Variants in KITLG observed in about 807,000 individuals in gnomAD.
The protein encoded by KITLG is KIT ligand, also known as c-Kit ligand.
In KITLG, 13 loss-of-function variants were observed where a neutral mutation model predicts 34.1. The ratio of observed to expected loss-of-function variants is 0.38; its 90% CI spans 0.25 to 0.61. The LOEUF (loss-of-function observed/expected upper bound fraction) is 0.61, where lower values mean the gene tolerates loss of function less well. Ranked by LOEUF, KITLG falls within the 20% of genes least tolerant of loss-of-function variation. KITLG has a pLI of 0.60. For synonymous variants in KITLG, 110 were observed against 104.0 expected, an observed-to-expected ratio of 1.06 and a Z score of -0.35; for missense variants, 292 against 318.9, an observed-to-expected ratio of 0.92 and a Z score of 0.64.
chr12:88,508,835 A>G (rs1217337139), intron 6 of KITLG, among the ~76,000 whole-genome samples: 1 of 152,170 alleles, frequency 6.6e-6, no homozygotes, highest in Non-Finnish European at 1.5e-5. Context: ...AAGTACTATC[A>G]TTACAATAAC....
At chr12:88,500,892 G>A (rs1868826280) in intron 9 of KITLG, among the ~76,000 whole-genome samples, 1 of 152,106 alleles carries the variant, frequency 6.6e-6, no homozygotes, top group African/African-American at 2.4e-5. Context: ...CAATCCTCCT[G>A]CCTCAGCCTC....
chr12:88,516,443 A>C lies in KITLG; in HGVS notation c.411T>G (p.Pro137=). The C allele has an allele frequency of 1.9e-6, 3 of 1,607,446 alleles. No individual in the cohort carries two copies. Among genetic ancestry groups the C allele is most frequent in the Non-Finnish European group, 2.6e-6 (3 of 1,176,400 alleles). ...TATTAAAAATTCTAAAGAATTCTTC[A>C]GGAGTAAAGAGCCTGGGTTCTGGGC... ...FKSPEPRLFT[P]EEFFRIFNRS... is the part of the protein sequence containing the mutation. Residue 137 remains proline, a synonymous_variant, in exon 5 of 10, where the codon CCT becomes CCG. Transcript: ENST00000644744.
At chr12:88,539,967 G>T (rs7135958) in intron 2 of KITLG, among the ~76,000 whole-genome samples, 122,203 of 151,896 alleles carry the variant, frequency 0.8, 50,929 homozygotes, top group Middle Eastern at 0.94. Flanking sequence ...CAAGGTCATC[G>T]TTCCTCAGTA....
intron 1 of KITLG, among the ~76,000 whole-genome samples, chr12:88,551,858 C>T (rs1870925954): frequency 6.6e-6 from 1 of 152,136 alleles, no homozygotes; most frequent in Non-Finnish European, 1.5e-5. Flanking sequence ...GATGAAGAGA[C>T]TATCCTAGAT....
intron 1 of KITLG, among the ~76,000 whole-genome samples, chr12:88,551,164 A>G (rs940727056): frequency 1.3e-5 from 2 of 152,192 alleles, no homozygotes; most frequent in Non-Finnish European, 1.5e-5. Context: ...AATTTTGCAT[A>G]TACTTTGCTA....
intron 8 of KITLG, 91 bp from the exon 9 acceptor site, chr12:88,505,326 T>C (rs1869018058): frequency 1.0e-6 from 1 of 1,002,656 alleles, no homozygotes; most frequent in Admixed American, 1.9e-5. Context: ...GCAGCTTTTC[T>C]GTAAATATAG....
At chr12:88,523,178 C>A (rs897509232) in intron 3 of KITLG, among the ~76,000 whole-genome samples, 3 of 152,194 alleles carry the variant, frequency 2.0e-5, no homozygotes, top group African/African-American at 7.2e-5. Flanking sequence ...TCAGCATCTA[C>A]CTCTGGGATG....
chr12:88,538,536 T>C (rs535612076), intron 2 of KITLG, among the ~76,000 whole-genome samples: 5 of 151,742 alleles, frequency 3.3e-5, no homozygotes, highest in Admixed American at 1.3e-4. Flanking sequence ...ATACCAAGAT[T>C]AGTATGGGAA....
In KITLG at chr12:88,518,025, T is replaced by C. The variant is rs147673847; in HGVS notation, c.363+672A>G. Among the ~76,000 whole-genome samples the C allele has an allele frequency of 1.8e-3, 276 of 152,276 alleles. 2 individuals carry two copies. Among genetic ancestry groups the C allele is most frequent in the African/African-American group, 6.4e-3 (266 of 41,556 alleles). On this transcript the variant is annotated intron_variant, in intron 4 of 9. Coordinates refer to ENST00000644744, the MANE Select transcript of KITLG (RefSeq NM_000899.5). ...AAACATCAAATTTTATTAATATTTA[T>C]TTTGCTAGGTAGGGTGTTAAAGTAC...
chr12:88,502,394 C>T (rs923554462), intron 9 of KITLG, among the ~76,000 whole-genome samples: 2 of 152,122 alleles, frequency 1.3e-5, no homozygotes, highest in South Asian at 2.1e-4. Flanking sequence ...CACATTCACA[C>T]AAAAGATAAA....
At chr12:88,550,551 C>T (rs1212743251) in intron 1 of KITLG, among the ~76,000 whole-genome samples, 4 of 152,178 alleles carry the variant, frequency 2.6e-5, no homozygotes, top group Admixed American at 6.5e-5. Flanking sequence ...ATACACCAAG[C>T]ATCTTGGATA....
rs116090475 is a variant in KITLG, at chr12:88,549,758, C to A, written c.16-3893G>T. ...AATATGATAACCTTCCATATATAAG[C>A]AAATGAGTGGATGAGATCACCAAGG... On this transcript the variant is annotated intron_variant, in intron 1 of 9. Coordinates refer to ENST00000644744, the MANE Select transcript of KITLG (RefSeq NM_000899.5). Among the ~76,000 whole-genome samples the A allele has an allele frequency of 8.6e-3, 1,313 of 152,054 alleles. 23 individuals are homozygous for A. Among genetic ancestry groups the A allele is most frequent in the African/African-American group, 0.03 (1,244 of 41,484 alleles).
intron 1 of KITLG, among the ~76,000 whole-genome samples, chr12:88,546,494 T>C (rs1231204647): frequency 1.3e-5 from 2 of 152,176 alleles, no homozygotes; most frequent in Non-Finnish European, 2.9e-5. Context: ...GTCTTCTCTC[T>C]CTCTCTCTCG....
chr12:88,499,431 T>C (rs967604195), intron 9 of KITLG, among the ~76,000 whole-genome samples: 11 of 152,210 alleles, frequency 7.2e-5, no homozygotes, highest in African/African-American at 2.7e-4. Context: ...TTTGTATTTC[T>C]TTAGTGAACC....
chr12:88,506,762 A>G (rs182341200), intron 7 of KITLG, among the ~76,000 whole-genome samples: 66 of 152,332 alleles, frequency 4.3e-4, no homozygotes, highest in African/African-American at 1.6e-3. Flanking sequence ...TTTTAAGTAT[A>G]TCATATGATT....
intron 3 of KITLG, among the ~76,000 whole-genome samples, chr12:88,532,198 C>T (rs1870122143): frequency 6.6e-6 from 1 of 151,772 alleles, no homozygotes; most frequent in African/African-American, 2.4e-5. Context: ...AACCAATTTC[C>T]TAAGGATAGT....
At chr12:88,571,247 T>C (rs1871640977) in intron 1 of KITLG, among the ~76,000 whole-genome samples, 1 of 152,224 alleles carries the variant, frequency 6.6e-6, no homozygotes, top group Admixed American at 6.5e-5. Context: ...ATTAAGTAAG[T>C]GCCAGTTGCT....
intron 2 of KITLG, among the ~76,000 whole-genome samples, chr12:88,537,989 C>A (rs564922106): frequency 4.6e-5 from 7 of 152,272 alleles, no homozygotes; most frequent in Admixed American, 4.6e-4. Context: ...GTCACTTCAT[C>A]TACTTCAGCC....
intron 9 of KITLG, among the ~76,000 whole-genome samples, chr12:88,504,631 T>A (rs1485637848): frequency 6.6e-6 from 1 of 152,054 alleles, no homozygotes; most frequent in African/African-American, 2.4e-5. Context: ...CTGCAGAGGA[T>A]GTGGAGAAAT....
Sources: allele counts gnomAD v4.1 joint callset (sites outside exome capture counted in the v4.1 genomes callset), GRCh38; gene constraint gnomAD v4.1.1; transcripts MANE v1.5; gene names NCBI Gene and HGNC (gene_info 2026-07-23, HGNC 2026-07-21).